The following CACNA1S variants were observed in gnomAD, a reference collection of about 807,000 sequenced individuals.
CACNA1S encodes the protein voltage-dependent L-type calcium channel subunit alpha-1S.
Under a neutral mutation model 207.4 loss-of-function variants are expected in CACNA1S, and 126 were observed. The ratio of observed to expected loss-of-function variants is 0.61; its 90% CI spans 0.53 to 0.70. CACNA1S has a LOEUF of 0.70. Ranked by LOEUF, CACNA1S falls within the 30% of genes least tolerant of loss-of-function variation. The pLI, the probability that CACNA1S is intolerant of heterozygous loss-of-function variation, is 0.00. For missense variants in CACNA1S, 2,349 were observed against 2,422.8 expected, an observed-to-expected ratio of 0.97 and a Z score of 0.64; for synonymous variants, 960 against 932.7, an observed-to-expected ratio of 1.03 and a Z score of -0.53.
In CACNA1S at chr1:201,074,595, G is replaced by A. The variant is rs370210457; in HGVS notation, c.1974C>T (p.Ala658=). The A allele has an allele frequency of 1.2e-6, 2 of 1,613,342 alleles. No homozygotes were observed. Among genetic ancestry groups the A allele is most frequent in the Non-Finnish European group, 1.7e-6 (2 of 1,179,482 alleles). The change falls in exon 14 of 44, where the codon GCC becomes GCT. Residue 658 remains alanine, a synonymous_variant. Coordinates refer to ENST00000362061, the MANE Select transcript of CACNA1S (RefSeq NM_000069.3). ...CCTCGGCCAGGTTGTCCACGGCAATGGCCAGGAAGACATTGAGCAGGATGT... is the reference window on the plus strand; with the variant it reads ...CCTCGGCCAGGTTGTCCACGGCAATAGCCAGGAAGACATTGAGCAGGATGT... The part of the protein sequence containing the change: ...GNYILLNVFL[A]IAVDNLAEAE...
chr1:201,087,657 C>T (rs1301444780), intron 7 of CACNA1S, among the ~76,000 whole-genome samples, 169 bp downstream of exon 7: 1 of 152,098 alleles, frequency 6.6e-6, no homozygotes, highest in African/African-American at 2.4e-5. Context: ...GGGCCTGACT[C>T]ACAGCCCCCT....
In CACNA1S at chr1:201,053,420, C is replaced by A; in HGVS notation, c.3795+39G>T. 1 of 1,614,106 alleles carries A rather than the reference C, an allele frequency of 6.2e-7. No individual in the cohort carries two copies. The highest frequency in any genetic ancestry group is 8.5e-7 in the Non-Finnish European group (1 of 1,179,978). ...GGCTGAGGCAGATGTCCCTAGTGGC[C>A]TCCCCAGGTACGTGCAGTTTCCAGG... On this transcript the variant is annotated intron_variant, in intron 30 of 43. Coordinates refer to ENST00000362061, the MANE Select transcript of CACNA1S (RefSeq NM_000069.3). This position sits in a 1 kb window ranked among gnomAD's most constrained non-coding sequence, Gnocchi z 5.1.
intron 13 of CACNA1S, among the ~76,000 whole-genome samples, chr1:201,075,153 C>T (rs1337690290): frequency 2.0e-5 from 3 of 152,198 alleles, no homozygotes; most frequent in African/African-American, 4.8e-5. Context: ...CCCTGCCTGC[C>T]TCTGAACCTT....
rs2102535719 is a variant in CACNA1S, at chr1:201,039,974, T to C, written c.5479A>G (p.Ile1827Val). 6.2e-7 allele frequency: 1 copy of C among 1,614,240 alleles called. No individual in the cohort carries two copies. Among genetic ancestry groups the C allele is most frequent in the Non-Finnish European group, 8.5e-7 (1 of 1,180,030 alleles). Reference protein sequence around the residue: ...ACQMEPEEVEIMATELLKGRE... With the variant: ...ACQMEPEEVEVMATELLKGRE... ...CCTTTCAGTAGCTCTGTTGCCATGA[T>C]CTCCACTTCCTCTGGTTCCATTTGG... Residue 1827 changes from isoleucine to valine, a missense_variant, in exon 44 of 44, where the codon ATC (isoleucine) becomes GTC (valine). By Grantham distance (29) the Ile-to-Val change is conservative (BLOSUM62 3). Transcript: ENST00000362061.
rs1475248156 is a variant in CACNA1S at position 201,059,059 on chromosome 1, G to A, written c.3525+130C>T. ...TGAAGGTGGAAGTGGGCAAAGGGGT[G>A]AGCAAGTTGGGAGCAGAAGTGCTGG... On this transcript the variant is annotated intron_variant, in intron 27 of 43. Coordinates refer to ENST00000362061, the MANE Select transcript of CACNA1S (RefSeq NM_000069.3). The A allele has an allele frequency of 1.2e-5, 8 of 650,182 alleles. No homozygotes were observed. In the East Asian group the frequency reaches 1.9e-4, roughly 16 times the overall value. The allele number at this position is 650,182 out of a possible 1,614,324, so 40.3% of individuals were successfully genotyped here.
intron 38 of CACNA1S, among the ~76,000 whole-genome samples, chr1:201,045,094 G>A (rs1176371088): frequency 2.0e-5 from 3 of 152,204 alleles, no homozygotes; most frequent in African/African-American, 7.2e-5. Flanking sequence ...GATTGGATAT[G>A]TCATATATAT....
rs778141559 is a variant in CACNA1S, at chr1:201,087,948, T to A, written c.901-19A>T. The A allele has an allele frequency of 1.3e-6, 2 of 1,534,078 alleles. No individual in the cohort carries two copies. The highest frequency in any genetic ancestry group is 1.8e-6 in the Non-Finnish European group (2 of 1,109,208). On this transcript the variant is annotated intron_variant, in intron 6 of 43. Coordinates refer to ENST00000362061, the MANE Select transcript of CACNA1S (RefSeq NM_000069.3). ...CATTGACCTGGTCAGGACAGAAGTG[T>A]GATCCTCTGAGTTGAGGGCTTGGTT...
At chr1:201,085,782 C>T (rs1470248556) in intron 7 of CACNA1S, among the ~76,000 whole-genome samples, 1 of 152,092 alleles carries the variant, frequency 6.6e-6, no homozygotes, top group Non-Finnish European at 1.5e-5. Context: ...CGTCCCCACC[C>T]TCCAGGAACA....
rs1278529047 is a variant in CACNA1S at position 201,060,833 on chromosome 1, A to G, written c.3256-17T>C. 1 of 1,614,004 alleles carries G rather than the reference A, an allele frequency of 6.2e-7. No individual in the cohort carries two copies. The highest frequency in any genetic ancestry group is 8.5e-7 in the Non-Finnish European group (1 of 1,180,018). The stretch of plus-strand genomic sequence containing the variant: ...ACATTGGCGCTGTGACACATACAAC[A>G]GGACAGGTCAGCACCAAGAGGCCCC... On this transcript the variant is annotated splice_polypyrimidine_tract_variant and intron_variant, in intron 25 of 43. Coordinates refer to ENST00000362061, the MANE Select transcript of CACNA1S (RefSeq NM_000069.3).
At chr1:201,098,021 C>A (rs748114053) in intron 2 of CACNA1S, among the ~76,000 whole-genome samples, 1 of 152,196 alleles carries the variant, frequency 6.6e-6, no homozygotes, top group African/African-American at 2.4e-5. Context: ...TCTCACCCCC[C>A]AACTGTCTAT....
chr1:201,069,399 C>G, intron 18 of CACNA1S, 73 bp downstream of exon 18: 1 of 1,589,490 alleles, frequency 6.3e-7, no homozygotes, highest in South Asian at 1.2e-5. Flanking sequence ...GAGGATACAG[C>G]TGAACCCTGG....
intron 41 of CACNA1S, among the ~76,000 whole-genome samples, chr1:201,040,944 G>A (rs1171532841): frequency 6.6e-6 from 1 of 152,190 alleles, no homozygotes; most frequent in Non-Finnish European, 1.5e-5. Context: ...AGGTTTGGGA[G>A]AGGGGATAAG....
chr1:201,112,150 C>A, intron 1 of CACNA1S, 38 bp downstream of exon 1: 2 of 1,583,080 alleles, frequency 1.3e-6, no homozygotes, highest in Non-Finnish European at 1.7e-6. Flanking sequence ...TCCCTCATGA[C>A]GCACACCCCC....
At position 201,099,103 on chromosome 1, in the gene CACNA1S, G is replaced by C. The variant is rs537151965; in HGVS notation, c.259-5082C>G. On this transcript the variant is annotated intron_variant, in intron 2 of 43. Coordinates refer to ENST00000362061, the MANE Select transcript of CACNA1S (RefSeq NM_000069.3). Reference sequence around the variant, plus strand: ...GTCTGCTATTTCCAAGGGTCAGCCAGTCCTGAATACTTCTCCTCCCCTGGC... The same window carrying C: ...GTCTGCTATTTCCAAGGGTCAGCCACTCCTGAATACTTCTCCTCCCCTGGC... 4.5e-4 allele frequency among the ~76,000 whole-genome samples: 69 copies of C among 152,356 alleles called. 1 individual carries two copies. The South Asian group carries it at 0.014, about 31-fold the overall frequency.
At chr1:201,072,936 G>A in intron 15 of CACNA1S, 112 bp from the exon 16 acceptor site, 1 of 834,672 alleles carries the variant, frequency 1.2e-6, no homozygotes, top group Non-Finnish European at 2.1e-6. Flanking sequence ...CATCCCTACA[G>A]CCTAAGGAAC....
intron 4 of CACNA1S, 56 bp downstream of exon 4, chr1:201,091,916 G>A (rs962852214): frequency 1.2e-6 from 2 of 1,611,170 alleles, no homozygotes; most frequent in Non-Finnish European, 1.7e-6. Flanking sequence ...AGAACTGGGG[G>A]ACAAGGGAAC....
intron 10 of CACNA1S, 42 bp from the exon 11 acceptor site, chr1:201,078,146 C>G: frequency 6.9e-7 from 1 of 1,458,402 alleles, no homozygotes; most frequent in Non-Finnish European, 9.6e-7. Context: ...CTCTCCTTCC[C>G]TTCTCCTGAC....
Position 201,043,480 on chromosome 1 carries a change from A to G in CACNA1S, c.4849T>C (p.Ser1617Pro). ...TGATTGGCCATGACGGGGGGCAGGG[A>G]GTTGGTCCTTTCCAGGAAGTTGTCC... ...QVDNFLERTN[S>P]LPPVMANQRP... The change falls in exon 40 of 44, where the codon TCC becomes CCC. Residue 1617 changes from serine (S) to proline (P), a missense_variant. Coordinates refer to ENST00000362061, the MANE Select transcript of CACNA1S (RefSeq NM_000069.3). 1.2e-6 allele frequency: 2 copies of G among 1,613,806 alleles called. No individual in the cohort carries two copies. Among genetic ancestry groups the G allele is most frequent in the South Asian group, 1.1e-5 (1 of 91,064 alleles).
At chr1:201,049,978 C>A (rs562738978) in intron 34 of CACNA1S, among the ~76,000 whole-genome samples, 1 of 152,134 alleles carries the variant, frequency 6.6e-6, no homozygotes, top group African/African-American at 2.4e-5. Context: ...TAAATGCATA[C>A]GAATGTCCCA....
Sources: gnomAD v4.1 joint callset for allele counts (sites outside exome capture counted in the v4.1 genomes callset) on GRCh38, gnomAD v4.1.1 for gene constraint, Gnocchi (gnomAD v3.1) non-coding constraint, MANE v1.5 for transcripts, NCBI Gene and HGNC (gene_info 2026-07-23, HGNC 2026-07-21) for gene names.